Variants in TBC1D5 observed in about 807,000 individuals in gnomAD.
TBC1D5 encodes TBC1 domain family, member 5.
TBC1D5 carries 75 observed loss-of-function variants against 100.3 expected under a neutral mutation model. The ratio of observed to expected loss-of-function variants is 0.75; its 90% confidence interval spans 0.62 to 0.91. TBC1D5 has a LOEUF of 0.91. TBC1D5 is among the 40% of genes least tolerant of loss of function. The pLI, the probability that TBC1D5 is intolerant of heterozygous loss-of-function variation, is 0.00. For missense variants in TBC1D5, 910 were observed against 942.4 expected, an observed-to-expected ratio of 0.97 and a Z score of 0.45; for synonymous variants, 323 against 325.6, an observed-to-expected ratio of 0.99 and a Z score of 0.09.
intron 2 of TBC1D5, among the ~76,000 whole-genome samples, chr3:17,528,055 A>AG (rs1476121146): frequency 2.2e-5 from 3 of 135,048 alleles, no homozygotes; most frequent in Admixed American, 7.3e-5. Context: ...TAGGTTTTTT[A>AG]GGGGGGGCTG....
chr3:17,482,912 A>G (rs1317871414), intron 3 of TBC1D5, among the ~76,000 whole-genome samples: 1 of 152,110 alleles, frequency 6.6e-6, no homozygotes, highest in East Asian at 1.9e-4. Context: ...AATTCGCCTT[A>G]TGTCCTACAT....
chr3:17,189,511 C>G (rs2069596646), intron 18 of TBC1D5, among the ~76,000 whole-genome samples: 1 of 152,186 alleles, frequency 6.6e-6, no homozygotes, highest in Non-Finnish European at 1.5e-5. Context: ...AGAAAAATAA[C>G]TAGCATCAAA....
chr3:17,182,190 G>T (rs1308456612), intron 19 of TBC1D5, among the ~76,000 whole-genome samples: 1 of 152,136 alleles, frequency 6.6e-6, no homozygotes, highest in East Asian at 1.9e-4. Flanking sequence ...GAAGTGAAAT[G>T]CATCTGTGGG....
At chr3:17,734,880 G>GT (rs2076840069) in intron 1 of TBC1D5, among the ~76,000 whole-genome samples, 1 of 151,642 alleles carries the variant, frequency 6.6e-6, no homozygotes, top group Non-Finnish European at 1.5e-5. Context: ...GAGCCCCGAC[G>GT]TTTGAGACCA....
chr3:17,636,231 T>A (rs913981967), intron 1 of TBC1D5, among the ~76,000 whole-genome samples: 2 of 152,092 alleles, frequency 1.3e-5, no homozygotes, highest in South Asian at 4.2e-4. Flanking sequence ...AAACAGCATA[T>A]AAGCATATTG....
At chr3:17,177,360 A>G (rs372135386) in intron 19 of TBC1D5, among the ~76,000 whole-genome samples, 51 of 152,340 alleles carry the variant, frequency 3.3e-4, no homozygotes, top group Middle Eastern at 6.8e-3. Flanking sequence ...CAAGTCTTCC[A>G]ATAATAAAAC....
intron 1 of TBC1D5, among the ~76,000 whole-genome samples, chr3:17,675,235 A>C (rs951116687): frequency 6.6e-6 from 1 of 152,108 alleles, no homozygotes; most frequent in Admixed American, 6.6e-5. Flanking sequence ...GATTATTAAA[A>C]ATAAAATTCA....
intron 1 of TBC1D5, among the ~76,000 whole-genome samples, chr3:17,626,020 G>C (rs2063023409): frequency 6.6e-6 from 1 of 151,802 alleles, no homozygotes; most frequent in Admixed American, 6.6e-5. Context: ...CCATTATGTT[G>C]TCTACTGAAT....
rs368571190 is a variant in TBC1D5, at chr3:17,383,912, C to G, written c.612+1G>C. On this transcript the variant is annotated splice_donor_variant, in intron 9 of 21. Coordinates refer to ENST00000253692, the Ensembl canonical transcript of TBC1D5. LOFTEE classifies it high-confidence loss of function. ...TGCCACCTGTAAGATATTTTCATTA[C>G]CTGTTTATAAAGCAACTGCTCGTTT... is the stretch of plus-strand genomic sequence containing the variant. 6.3e-7 allele frequency: 1 copy of G among 1,587,974 alleles called. No individual in the cohort carries two copies. The highest frequency in any genetic ancestry group is 8.6e-7 in the Non-Finnish European group (1 of 1,162,094).
chr3:17,682,703 A>C (rs1350351864), intron 1 of TBC1D5, among the ~76,000 whole-genome samples: 1 of 151,226 alleles, frequency 6.6e-6, no homozygotes, highest in Non-Finnish European at 1.5e-5. Flanking sequence ...CATTCTCAAA[A>C]CTCTCCTGGA....
chr3:17,533,889 C>CAGATAGATAGATAGATAGATAGATAGAT (rs575715302), intron 2 of TBC1D5, among the ~76,000 whole-genome samples: 181 of 151,940 alleles, frequency 1.2e-3, no homozygotes, highest in South Asian at 5.4e-3. Flanking sequence ...ACCTATCATT[C>CAGATAGATAGATAGATAGATAGATAGAT]AGATAGATAG....
Position 17,267,546 on chromosome 3 carries a change from A to C in TBC1D5, c.1246-8955T>G, listed in dbSNP as rs917431496. ...ATTCCAATTTGGGAAACAGAGGTAA[A>C]GTCTGATATAAAAGTTATCATTGCA... On this transcript the variant is annotated intron_variant, in intron 15 of 21. Transcript: ENST00000253692. Among the ~76,000 whole-genome samples, 19 of 152,340 alleles carry C rather than the reference A, an allele frequency of 1.2e-4. No individual in the cohort carries two copies. The South Asian group carries it at 3.9e-3, about 32-fold the overall frequency.
At chr3:17,610,849 T>A (rs999382624) in intron 2 of TBC1D5, among the ~76,000 whole-genome samples, 2 of 152,082 alleles carry the variant, frequency 1.3e-5, no homozygotes, top group Admixed American at 1.3e-4. Context: ...AAACCCCATG[T>A]CTACTAAAAA....
At chr3:17,218,212 A>G (rs1331299507) in intron 17 of TBC1D5, among the ~76,000 whole-genome samples, 1 of 152,058 alleles carries the variant, frequency 6.6e-6, no homozygotes, top group Non-Finnish European at 1.5e-5. Flanking sequence ...TCAGTATCAC[A>G]TTGTTTTGAT....
At chr3:17,491,886 G>C (rs1204804827) in intron 3 of TBC1D5, among the ~76,000 whole-genome samples, 3 of 152,122 alleles carry the variant, frequency 2.0e-5, no homozygotes, top group Non-Finnish European at 4.4e-5. Flanking sequence ...GCTTCTTTCT[G>C]CACCTCTGAT....
chr3:17,175,541 T>C (rs11708522), intron 19 of TBC1D5, among the ~76,000 whole-genome samples: 12 of 152,224 alleles, frequency 7.9e-5, no homozygotes, highest in East Asian at 1.9e-4. Context: ...GGTCTCTAAG[T>C]TCCAGTAATG....
At chr3:17,506,836 C>A (rs1176550527) in intron 3 of TBC1D5, among the ~76,000 whole-genome samples, 2 of 150,414 alleles carry the variant, frequency 1.3e-5, no homozygotes, top group East Asian at 3.9e-4. Context: ...AAACAAACAG[C>A]AACCCCGTCT....
chr3:17,618,647 TAGATCTC>T (rs1215248352), intron 2 of TBC1D5, among the ~76,000 whole-genome samples: 1 of 152,214 alleles, frequency 6.6e-6, no homozygotes, highest in African/African-American at 2.4e-5. Flanking sequence ...CCCTCGTTGT[TAGATCTC>T]AGACTGCTGT....
chr3:17,576,258 T>A (rs1362731204), intron 2 of TBC1D5, among the ~76,000 whole-genome samples: 1 of 151,750 alleles, frequency 6.6e-6, no homozygotes, highest in Admixed American at 6.6e-5. Context: ...GGTTGAGAGG[T>A]GATGGAGGTT....
Sources: allele counts gnomAD v4.1 joint callset (sites outside exome capture counted in the v4.1 genomes callset), GRCh38; gene constraint gnomAD v4.1.1; transcripts MANE v1.5; gene names NCBI Gene and HGNC (gene_info 2026-07-23, HGNC 2026-07-21).